The following SNTG1 variants were observed in gnomAD, a reference collection of about 807,000 sequenced individuals.
SNTG1 encodes gamma-1-syntrophin.
SNTG1 carries 39 observed loss-of-function variants against 74.7 expected under a neutral mutation model. The observed-to-expected ratio is 0.52, with a 90% CI of 0.40 to 0.68. SNTG1 has a LOEUF of 0.68. Among genes scored for constraint, SNTG1 ranks in the 30% least tolerant of loss-of-function variants. The pLI is 0.00. For missense variants in SNTG1, 685 were observed against 609.5 expected (o/e 1.12, Z -1.30); for synonymous variants, 254 against 217.1 (o/e 1.17, Z -1.49).
At chr8:49,941,844 T>A (rs1034774642) in intron 1 of SNTG1, among the ~76,000 whole-genome samples, 1 of 152,232 alleles carries the variant, frequency 6.6e-6, no homozygotes. Flanking sequence ...TCTCTCTCGC[T>A]TTTACCATTT....
At chr8:49,955,751 T>G (rs1426590482) in intron 1 of SNTG1, among the ~76,000 whole-genome samples, 1 of 152,214 alleles carries the variant, frequency 6.6e-6, no homozygotes, top group Non-Finnish European at 1.5e-5. Context: ...GCCAAACCAC[T>G]GTGGTGGCCC....
At chr8:50,275,997 T>C (rs1017202250) in intron 2 of SNTG1, among the ~76,000 whole-genome samples, 1 of 152,242 alleles carries the variant, frequency 6.6e-6, no homozygotes, top group African/African-American at 2.4e-5. Flanking sequence ...AATGTGTTTA[T>C]TTGGTAACCA....
At chr8:50,430,739 G>T (rs73581368) in intron 4 of SNTG1, among the ~76,000 whole-genome samples, 1 of 152,156 alleles carries the variant, frequency 6.6e-6, no homozygotes, top group Non-Finnish European at 1.5e-5. Flanking sequence ...AAGGAAGGGT[G>T]TATATGCTCC....
At chr8:50,171,685 C>T (rs2082813622) in intron 1 of SNTG1, among the ~76,000 whole-genome samples, 1 of 152,162 alleles carries the variant, frequency 6.6e-6, no homozygotes, top group Admixed American at 6.6e-5. Context: ...AAGCTTTATT[C>T]TGGTTAAGGG....
chr8:50,575,207 T>C (rs1274846021), intron 12 of SNTG1, among the ~76,000 whole-genome samples: 2 of 152,168 alleles, frequency 1.3e-5, no homozygotes, highest in Non-Finnish European at 1.5e-5. Context: ...ACTAATCATT[T>C]TGTAATGTTT....
chr8:50,200,485 G>A (rs2083942971), intron 2 of SNTG1, among the ~76,000 whole-genome samples: 1 of 152,108 alleles, frequency 6.6e-6, no homozygotes, highest in South Asian at 2.1e-4. Flanking sequence ...GAAAAGTGTA[G>A]CAAGCAGAAA....
chr8:50,039,217 A>C (rs1010454148), intron 1 of SNTG1, among the ~76,000 whole-genome samples: 2 of 152,100 alleles, frequency 1.3e-5, no homozygotes, highest in Non-Finnish European at 1.5e-5. Context: ...GCACTTTAGG[A>C]GGCCGAGGAG....
chr8:50,256,348 T>A (rs949658214), intron 2 of SNTG1, among the ~76,000 whole-genome samples: 1 of 152,002 alleles, frequency 6.6e-6, no homozygotes, highest in Non-Finnish European at 1.5e-5. Flanking sequence ...TATACTAAAC[T>A]AATCTACAAT....
At chr8:50,417,331 C>A (rs879503516) in intron 4 of SNTG1, among the ~76,000 whole-genome samples, 10 of 152,052 alleles carry the variant, frequency 6.6e-5, no homozygotes, top group Admixed American at 4.6e-4. Flanking sequence ...TGAGACTTAG[C>A]GATTTATAGG....
chr8:50,249,950 T>A (rs538842154), intron 2 of SNTG1, among the ~76,000 whole-genome samples: 39 of 152,128 alleles, frequency 2.6e-4, no homozygotes, highest in African/African-American at 8.7e-4. Flanking sequence ...AACAGGGTTC[T>A]TTGTCTCTAG....
intron 1 of SNTG1, among the ~76,000 whole-genome samples, chr8:49,930,392 G>T (rs948032268): frequency 6.6e-6 from 1 of 151,934 alleles, no homozygotes; most frequent in Non-Finnish European, 1.5e-5. Context: ...TCAATATATA[G>T]ATTTTTATTA....
intron 2 of SNTG1, among the ~76,000 whole-genome samples, chr8:50,370,623 A>G (rs1055980945): frequency 2.6e-5 from 4 of 152,056 alleles, no homozygotes; most frequent in African/African-American, 9.7e-5. Flanking sequence ...CATTGCCTGA[A>G]AAACCTATAA....
intron 15 of SNTG1, among the ~76,000 whole-genome samples, chr8:50,703,440 A>G (rs2095433075): frequency 6.6e-6 from 1 of 152,162 alleles, no homozygotes; most frequent in Non-Finnish European, 1.5e-5. Context: ...CAGGGGCAAT[A>G]ACACGCATGG....
chr8:49,922,660 A>G (rs1806658336), intron 1 of SNTG1, among the ~76,000 whole-genome samples: 1 of 152,126 alleles, frequency 6.6e-6, no homozygotes, highest in Non-Finnish European at 1.5e-5. Context: ...GAATTCCTAT[A>G]TCATCATCTG....
chr8:50,520,929 C>A (rs755650596), intron 9 of SNTG1, among the ~76,000 whole-genome samples: 3 of 152,040 alleles, frequency 2.0e-5, no homozygotes, highest in Non-Finnish European at 4.4e-5. Context: ...TGGGTATATA[C>A]CCAAAGGAAT....
intron 9 of SNTG1, among the ~76,000 whole-genome samples, chr8:50,504,696 G>A (rs573246501): frequency 1.3e-5 from 2 of 152,276 alleles, no homozygotes; most frequent in African/African-American, 4.8e-5. Flanking sequence ...AGCTACTTGG[G>A]AGTCTGAGGT....
rs116908720 is a variant in SNTG1 at position 49,974,671 on chromosome 8, G to A, written c.-103+62440G>A. 1.1e-3 allele frequency among the ~76,000 whole-genome samples: 173 copies of A among 151,874 alleles called. 1 individual carries two copies. Among genetic ancestry groups the A allele is most frequent in the Non-Finnish European group, 2.2e-3 (150 of 67,946 alleles). On this transcript the variant is annotated intron_variant, in intron 1 of 18. Transcript: ENST00000642720. ...TCCCTACATCAACTGTAAAATGAAG[G>A]CCCTGAACTAGATCATTTTAAGTAC...
intron 3 of SNTG1, among the ~76,000 whole-genome samples, chr8:50,397,732 A>G (rs923887424): frequency 3.3e-5 from 5 of 152,296 alleles, no homozygotes; most frequent in Middle Eastern, 3.4e-3. Flanking sequence ...ATGTCATTGT[A>G]TACAGGACAA....
Position 50,621,064 on chromosome 8 carries a change from T to C in SNTG1, c.849+30147T>C, listed in dbSNP as rs1444104397. Among the ~76,000 whole-genome samples the C allele has an allele frequency of 5.4e-4, 3 of 5,506 alleles. No individual in the cohort carries two copies. In the Admixed American group the frequency reaches 6.6e-3, roughly 12 times the overall value. 3.6% of individuals were successfully genotyped at this position (5,506 alleles called of 152,430 possible). A position where few individuals can be genotyped will look rare whatever the true frequency, so the allele number is the denominator to read the frequency against. ...AGGGCTGTAACCATAAAGAGATAACTTTTTTTTTTTTTTTTGAGATGTGGT... is the reference window on the plus strand; with the variant it reads ...AGGGCTGTAACCATAAAGAGATAACCTTTTTTTTTTTTTTTGAGATGTGGT... On this transcript the variant is annotated intron_variant, in intron 13 of 18. Transcript: ENST00000642720.
Sources: allele counts gnomAD v4.1 joint callset (sites outside exome capture counted in the v4.1 genomes callset), GRCh38; gene constraint gnomAD v4.1.1; transcripts MANE v1.5; gene names NCBI Gene and HGNC (gene_info 2026-07-23, HGNC 2026-07-21).